Variants in RMDN2 observed in about 807,000 individuals in gnomAD.
RMDN2 encodes the protein regulator of microtubule dynamics 2.
In RMDN2, 61 loss-of-function variants were observed where a neutral mutation model predicts 52.8. That is an observed-to-expected ratio of 1.16 (90% CI 0.94 to 1.43). The LOEUF is 1.43. Among genes scored for constraint, RMDN2 ranks in the 40% most tolerant of loss-of-function variants. The probability of loss-of-function intolerance (pLI) is 0.00; values close to 1 mark genes in which losing one functional copy is unlikely to be tolerated. For missense variants in RMDN2, 592 were observed against 475.3 expected, an observed-to-expected ratio of 1.25 and a Z score of -2.28; for synonymous variants, 180 against 153.1, an observed-to-expected ratio of 1.18 and a Z score of -1.30.
intron 2 of RMDN2, among the ~76,000 whole-genome samples, chr2:37,954,081 A>G (rs1209690344): frequency 6.6e-6 from 1 of 151,680 alleles, no homozygotes; most frequent in African/African-American, 2.4e-5. Flanking sequence ...GGAGTTCTTT[A>G]TATATTTTGG....
chr2:37,978,087 G>A (rs986211628), intron 4 of RMDN2, among the ~76,000 whole-genome samples: 2 of 152,220 alleles, frequency 1.3e-5, no homozygotes, highest in African/African-American at 4.8e-5. Flanking sequence ...GGGAGGCCGA[G>A]GCTGGCAGAT....
chr2:38,066,767 A>C (rs780800211), intron 10 of RMDN2: 5 of 548,630 alleles, frequency 9.1e-6, no homozygotes, highest in Non-Finnish European at 1.3e-5. Context: ...TAATTATTTA[A>C]AGGAATATTT....
At chr2:38,021,202 C>A (rs1201598657), downstream of RMDN2, among the ~76,000 whole-genome samples, 1 of 152,108 alleles carries the variant, frequency 6.6e-6, no homozygotes, top group Non-Finnish European at 1.5e-5. Context: ...ATGTGGAGAA[C>A]TTTTGTGTCT....
At chr2:38,041,427 G>GTTTTTTTTTTTTTTTTTTTTTTGTTTT (rs3057329) in intron 10 of RMDN2, among the ~76,000 whole-genome samples, 1 of 120,092 alleles carries the variant, frequency 8.3e-6, no homozygotes, top group Non-Finnish European at 1.6e-5. Context: ...TTTTTTATTG[G>GTTTTTTTTTTTTTTTTTTTTTTGTTTT]TTTTTTTTTT....
At chr2:37,965,130 T>A (rs935240320) in intron 2 of RMDN2, among the ~76,000 whole-genome samples, 1 of 152,168 alleles carries the variant, frequency 6.6e-6, no homozygotes, top group Non-Finnish European at 1.5e-5. Flanking sequence ...GATCAAAAAT[T>A]AGTCTCTTTT....
chr2:38,013,054 A>G (rs1277506720), intron 10 of RMDN2, among the ~76,000 whole-genome samples: 1 of 152,240 alleles, frequency 6.6e-6, no homozygotes. Context: ...CATTCCCAGA[A>G]TTTGAAACTA....
At chr2:38,036,172 C>T (rs1422473823) in intron 10 of RMDN2, 4 of 152,182 alleles carry the variant, frequency 2.6e-5, no homozygotes, top group Non-Finnish European at 2.9e-5. Context: ...CGTGATATGT[C>T]ACCCAGGAGC....
chr2:38,036,446 G>A (rs1323803179), intron 10 of RMDN2: 1 of 152,184 alleles, frequency 6.6e-6, no homozygotes, highest in Admixed American at 6.5e-5. Context: ...TTATGTTCCG[G>A]AGTCCTGCAT....
intron 8 of RMDN2, chr2:37,997,940 T>C: frequency 5.8e-6 from 1 of 171,858 alleles, no homozygotes; most frequent in Non-Finnish European, 1.2e-5. Flanking sequence ...AAAGGAAGAG[T>C]TATTTTAAAA....
At chr2:37,927,945 T>G (rs1241087471) in intron 1 of RMDN2, among the ~76,000 whole-genome samples, 1 of 152,200 alleles carries the variant, frequency 6.6e-6, no homozygotes. Context: ...AGTTCCCAGT[T>G]ATACCAATTA....
intron 2 of RMDN2, among the ~76,000 whole-genome samples, chr2:37,954,113 T>G (rs1044594107): frequency 2.0e-5 from 3 of 151,990 alleles, no homozygotes; most frequent in African/African-American, 7.2e-5. Flanking sequence ...TTAAAAAAGA[T>G]ATAATTTGCA....
downstream of RMDN2, among the ~76,000 whole-genome samples, chr2:38,021,515 C>T (rs1573144559): frequency 1.3e-5 from 2 of 152,060 alleles, no homozygotes; most frequent in East Asian, 3.8e-4. Flanking sequence ...CCTGAGCCAG[C>T]GAGACCACAA....
At position 37,997,029 on chromosome 2, in the gene RMDN2, TG is replaced by T. The variant is rs1188193667; in HGVS notation, c.946-386del. 2.0e-5 allele frequency among the ~76,000 whole-genome samples: 3 copies of T among 152,106 alleles called. No individual in the cohort carries two copies. In the East Asian group the frequency reaches 5.8e-4, roughly 29 times the overall value. ...GCGGAGTCTTGTAGCCCCTGTGTGC[TG>T]TACGAAGAGATACACCGTAGTTACC... is the stretch of plus-strand genomic sequence containing the variant. On this transcript the variant is annotated intron_variant, in intron 7 of 10. Coordinates refer to ENST00000354545, the MANE Select transcript of RMDN2 (RefSeq NM_001170791.3).
chr2:37,997,396 ATGT>A lies in RMDN2; in HGVS notation c.946-13_946-11del, dbSNP rs138324096. 1.7e-3 allele frequency: 2,547 copies of A among 1,512,870 alleles called. 36 individuals are homozygous for A. In the African/African-American group the frequency reaches 0.031, roughly 18 times the overall value. The allele number at this position is 1,512,870 out of a possible 1,614,324, so 93.7% of individuals were successfully genotyped here. A position where few individuals can be genotyped will look rare whatever the true frequency, so the allele number is the denominator to read the frequency against. On this transcript the variant is annotated splice_polypyrimidine_tract_variant and intron_variant, in intron 7 of 10. Transcript: ENST00000354545. ...AAAGGTGAACAACTTTCTAAGAGTG[ATGT>A]TGTTGTGTATTTGCAGGTCTCAAAA...
intron 2 of RMDN2, among the ~76,000 whole-genome samples, chr2:37,933,374 G>A (rs1277482720): frequency 6.6e-6 from 1 of 152,232 alleles, no homozygotes; most frequent in Non-Finnish European, 1.5e-5. Flanking sequence ...CGGGGTGGCG[G>A]CTGGGCAGAG....
chr2:38,063,574 C>T (rs1478648781), intron 10 of RMDN2, among the ~76,000 whole-genome samples: 1 of 152,060 alleles, frequency 6.6e-6, no homozygotes, highest in Non-Finnish European at 1.5e-5. Flanking sequence ...AACTAAAGAG[C>T]TTCTGCACAG....
At chr2:38,050,689 T>G (rs6741148) in intron 10 of RMDN2, among the ~76,000 whole-genome samples, 32,973 of 152,090 alleles carry the variant, frequency 0.22, 7,775 homozygotes, top group African/African-American at 0.59. Flanking sequence ...CTTCCACATA[T>G]GTTAATGTAA....
At chr2:37,931,840 C>G (rs1237024466) in intron 2 of RMDN2, among the ~76,000 whole-genome samples, 8 of 152,134 alleles carry the variant, frequency 5.3e-5, no homozygotes, top group African/African-American at 1.7e-4. Context: ...GAGAGACATT[C>G]CCTCCTCTTG....
intron 5 of RMDN2, among the ~76,000 whole-genome samples, chr2:37,981,707 A>G (rs890782122): frequency 6.6e-6 from 1 of 152,206 alleles, no homozygotes; most frequent in Admixed American, 6.5e-5. Context: ...ACCATTTCTT[A>G]TGCATTGATG....
Sources: gnomAD v4.1 joint callset for allele counts (sites outside exome capture counted in the v4.1 genomes callset) on GRCh38, gnomAD v4.1.1 for gene constraint, MANE v1.5 for transcripts, NCBI Gene and HGNC (gene_info 2026-07-23, HGNC 2026-07-21) for gene names.